The following COL9A1 variants were observed in gnomAD, a reference collection of about 807,000 sequenced individuals.
COL9A1 encodes collagen alpha-1(IX) chain.
COL9A1 carries 104 observed loss-of-function variants against 142.6 expected under a neutral mutation model. The observed-to-expected ratio is 0.73, with a 90% CI of 0.62 to 0.86. COL9A1 has a LOEUF of 0.86. Ranked by LOEUF, COL9A1 falls within the 40% of genes least tolerant of loss-of-function variation. The probability of loss-of-function intolerance (pLI) is 0.00; values close to 1 mark genes in which losing one functional copy is unlikely to be tolerated. For synonymous variants in COL9A1, 466 were observed against 396.0 expected (o/e 1.18, Z -2.10); for missense variants, 1,210 against 1,176.6 (o/e 1.03, Z -0.42).
At chr6:70,286,050 A>G (rs1472773878) in intron 5 of COL9A1, among the ~76,000 whole-genome samples, 1 of 151,978 alleles carries the variant, frequency 6.6e-6, no homozygotes, top group African/African-American at 2.4e-5. Context: ...CACCACACCC[A>G]GCTAATTTTT....
chr6:70,287,069 A>G (rs539585317), intron 5 of COL9A1, among the ~76,000 whole-genome samples: 1 of 152,292 alleles, frequency 6.6e-6, no homozygotes, highest in South Asian at 2.1e-4. Flanking sequence ...TCAGGTCATC[A>G]ATGAAGGGAT....
rs750679815 is a variant in COL9A1, at chr6:70,301,974, T to A, written c.88+27A>T. ...ATCATTTCTGGGAATAAGTGATCTT[T>A]GAAAGTCTAGAAACTATGGCCCTTA... On this transcript the variant is annotated intron_variant, in intron 2 of 37. Transcript: ENST00000357250. 77 of 1,581,062 alleles carry A rather than the reference T, an allele frequency of 4.9e-5. No homozygotes were observed. In the Admixed American group the frequency reaches 1.3e-3, roughly 26 times the overall value.
At chr6:70,301,890 G>A in intron 2 of COL9A1, 111 bp downstream of exon 2, 3 of 850,388 alleles carry the variant, frequency 3.5e-6, no homozygotes, top group Non-Finnish European at 5.8e-6. Context: ...ATTGAAGAGT[G>A]AGGGTGTGAA....
At chr6:70,280,209 T>C (rs1177975098) in intron 10 of COL9A1, 1 of 880,396 alleles carries the variant, frequency 1.1e-6, no homozygotes, top group East Asian at 3.0e-5. Context: ...AGCTCATTTC[T>C]GCCAGTAATG....
rs2127577096 is a variant in COL9A1 at position 70,255,398 on chromosome 6, A to G, written c.1504-8T>C. On this transcript the variant is annotated splice_polypyrimidine_tract_variant and splice_region_variant and intron_variant, in intron 21 of 37. Transcript: ENST00000357250. Reference sequence around the variant, plus strand: ...TCGCTGTCCTTGATCACCCTGTATGAAAATAAAATTTTGTTAATACAAGAA... The same window carrying G: ...TCGCTGTCCTTGATCACCCTGTATGGAAATAAAATTTTGTTAATACAAGAA... The G allele has an allele frequency of 1.2e-6, 2 of 1,613,918 alleles. No individual in the cohort carries two copies. The highest frequency in any genetic ancestry group is 1.7e-6 in the Non-Finnish European group (2 of 1,179,798).
rs376916962 is a variant in COL9A1 at position 70,294,348 on chromosome 6, A to T, written c.515T>A (p.Leu172Ter). ...CCACTGGGAATCAAACAAGGAGGAC[A>T]AATTCGAAAAGGCTGCTGTTTGGAG... ...GSLQTAAFSN[L>*]SSLFDSQWHK... Residue 172 changes from leucine to a stop codon, truncating the protein, a stop_gained, in exon 5 of 38, where the codon TTG becomes TAG. Transcript: ENST00000357250. LOFTEE classifies it high-confidence loss of function. 1.2e-6 allele frequency: 2 copies of T among 1,614,080 alleles called. No homozygotes were observed. Among genetic ancestry groups the T allele is most frequent in the East Asian group, 4.5e-5 (2 of 44,884 alleles).
intron 28 of COL9A1, among the ~76,000 whole-genome samples, chr6:70,251,229 C>G (rs1437171887): frequency 1.3e-5 from 2 of 152,040 alleles, no homozygotes; most frequent in Non-Finnish European, 2.9e-5. Flanking sequence ...TGCTAAGTGA[C>G]AGAAGCCAAT....
chr6:70,266,820 T>A (rs760742199), intron 17 of COL9A1, 50 bp from the exon 18 acceptor site: 3 of 1,453,160 alleles, frequency 2.1e-6, no homozygotes, highest in Non-Finnish European at 2.9e-6. Context: ...CAGAAAGTGA[T>A]CAGAAGGCTC....
At chr6:70,228,451 C>T (rs1032493645) in intron 36 of COL9A1, among the ~76,000 whole-genome samples, 9 of 152,144 alleles carry the variant, frequency 5.9e-5, no homozygotes, top group Non-Finnish European at 1.0e-4. Context: ...CATTATTCTA[C>T]TATGCTGTTA....
chr6:70,241,972 C>T lies in COL9A1; in HGVS notation c.1990G>A (p.Gly664Ser), dbSNP rs1770285908. The T allele has an allele frequency of 6.3e-7, 1 of 1,594,826 alleles. No homozygotes were observed. Among genetic ancestry groups the T allele is most frequent in the Non-Finnish European group, 8.6e-7 (1 of 1,169,158 alleles). ...PGPPGLPGMK[G>S]DRGVVGEPGP... is the part of the protein sequence containing the mutation. ...AGTGCTGGAGCTCTTACCCTGTCAC[C>T]TTTCATTCCAGGAAGTCCAGGGGGC... Residue 664 changes from glycine to serine, a missense_variant, in exon 30 of 38, where the codon GGT becomes AGT. Physicochemically the swap from Gly to Ser is moderately conservative, Grantham distance 56. Transcript: ENST00000357250.
At position 70,260,681 on chromosome 6, in the gene COL9A1, G is replaced by T. The variant is rs1287667628; in HGVS notation, c.1425C>A (p.Gly475=). ...CTTTTTCCCCTTTGTCCCCAACTAT[G>T]CCGGTGATGCCTCGCAAACCCTGGG... ...PGAQGLRGIT[G]IVGDKGEKGA... The change falls in exon 20 of 38, where the codon GGC becomes GGA. Residue 475 remains glycine, a synonymous_variant. Coordinates refer to ENST00000357250, the MANE Select transcript of COL9A1 (RefSeq NM_001851.6). 2 of 1,613,496 alleles carry T rather than the reference G, an allele frequency of 1.2e-6. No homozygotes were observed. The highest frequency in any genetic ancestry group is 3.3e-5 in the Admixed American group (2 of 59,972).
intron 28 of COL9A1, chr6:70,245,769 A>G (rs1342423089): frequency 6.6e-6 from 1 of 152,138 alleles, no homozygotes; most frequent in Non-Finnish European, 1.5e-5. Context: ...AGCCCGACCA[A>G]CATGGTGAAA....
intron 30 of COL9A1, among the ~76,000 whole-genome samples, chr6:70,241,662 G>A (rs1770267755): frequency 6.6e-6 from 1 of 152,148 alleles, no homozygotes; most frequent in Admixed American, 6.5e-5. Context: ...GGAACTTGGG[G>A]CATTCTCTGA....
In COL9A1 at chr6:70,272,102, A is replaced by G; in HGVS notation, c.1066-14T>C. On this transcript the variant is annotated splice_polypyrimidine_tract_variant and intron_variant, in intron 12 of 37. Coordinates refer to ENST00000357250, the MANE Select transcript of COL9A1 (RefSeq NM_001851.6). Reference sequence around the variant, plus strand: ...AATACCACGGCCCTAAAAGAGTACAATAAAAATGGTTATAGCTTGAGGTTT... The same window carrying G: ...AATACCACGGCCCTAAAAGAGTACAGTAAAAATGGTTATAGCTTGAGGTTT... 6.2e-7 allele frequency: 1 copy of G among 1,609,120 alleles called. No homozygotes were observed. The highest frequency in any genetic ancestry group is 8.5e-7 in the Non-Finnish European group (1 of 1,176,180).
chr6:70,268,580 T>C (rs534384562), intron 17 of COL9A1, among the ~76,000 whole-genome samples: 2 of 152,134 alleles, frequency 1.3e-5, no homozygotes, highest in African/African-American at 4.8e-5. Flanking sequence ...ATTTTATTGG[T>C]ATTTCTTCCC....
At chr6:70,289,304 T>A (rs1266847932) in intron 5 of COL9A1, among the ~76,000 whole-genome samples, 1 of 152,200 alleles carries the variant, frequency 6.6e-6, no homozygotes, top group Non-Finnish European at 1.5e-5. Context: ...TGATTTTTTT[T>A]ATTGCAACAC....
chr6:70,248,217 A>C (rs1245378154), intron 28 of COL9A1, among the ~76,000 whole-genome samples: 1 of 152,208 alleles, frequency 6.6e-6, no homozygotes, highest in Non-Finnish European at 1.5e-5. Flanking sequence ...AGCCACCCAG[A>C]CCAGGTGAAA....
intron 36 of COL9A1, 123 bp downstream of exon 36, chr6:70,232,460 A>T: frequency 8.9e-7 from 1 of 1,124,510 alleles, no homozygotes; most frequent in Non-Finnish European, 1.4e-6. Flanking sequence ...TGAAAAGAGA[A>T]TAATACATCT....
In COL9A1 at chr6:70,300,368, T is replaced by C. The variant is rs1264829149; in HGVS notation, c.107A>G (p.Asn36Ser). 5.0e-6 allele frequency: 8 copies of C among 1,613,064 alleles called. No homozygotes were observed. In the African/African-American group the frequency reaches 8.0e-5, roughly 16 times the overall value. Residue 36 changes from asparagine to serine, a missense_variant, in exon 3 of 38, where the codon AAT (asparagine) becomes AGT (serine). Transcript: ENST00000357250. Reference sequence around the variant, plus strand: ...ACAGAGTTCATTTCCACCATTAGAATTGGAATTGACAGGGAATCCTGCAAA... The same window carrying C: ...ACAGAGTTCATTTCCACCATTAGAACTGGAATTGACAGGGAATCCTGCAAA... ...KRRPRFPVNS[N>S]SNGGNELCPK... is the part of the protein sequence containing the mutation.
Sources: gnomAD v4.1 joint callset for allele counts (sites outside exome capture counted in the v4.1 genomes callset) on GRCh38, gnomAD v4.1.1 for gene constraint, MANE v1.5 for transcripts, NCBI Gene and HGNC (gene_info 2026-07-23, HGNC 2026-07-21) for gene names.